The following ZFP82 variants were observed in gnomAD, a reference collection of about 807,000 sequenced individuals.
ZFP82 encodes zinc finger protein 82 homolog.
A neutral mutation model predicts 54.0 loss-of-function variants in ZFP82; 30 were observed. That is an observed-to-expected ratio of 0.56 (90% CI 0.42 to 0.75). The LOEUF is 0.75. Among genes scored for constraint, ZFP82 ranks in the 30% least tolerant of loss-of-function variants. ZFP82 has a pLI of 0.00. For missense variants in ZFP82, 500 were observed against 636.8 expected (o/e 0.79, Z 2.31); for synonymous variants, 194 against 209.5 (o/e 0.93, Z 0.64).
At chr19:36,405,737 C>T (rs1358218458) in intron 3 of ZFP82, 65 bp from the exon 4 acceptor site, 24 of 1,216,738 alleles carry the variant, frequency 2.0e-5, no homozygotes, top group Non-Finnish European at 2.5e-5. Context: ...TACTTTGATT[C>T]AGTCTTGGTT....
rs142462035 is a variant in ZFP82, at chr19:36,400,782, C to T, written c.229+4798G>A. Among the ~76,000 whole-genome samples the T allele has an allele frequency of 4.5e-3, 683 of 152,290 alleles. 3 individuals are homozygous for T. Among genetic ancestry groups the T allele is most frequent in the Admixed American group, 7.1e-3 (109 of 15,294 alleles). On this transcript the variant is annotated intron_variant, in intron 4 of 4. Coordinates refer to ENST00000392161, the MANE Select transcript of ZFP82 (RefSeq NM_133466.4). ...AAATACACTGCTTTTTAACCCATAT[C>T]CCCAGTGTAACTGACAACCCTATTT...
rs780307893 is a variant in ZFP82, at chr19:36,393,660, T to A, written c.680A>T (p.Glu227Val). 14 of 1,613,964 alleles carry A rather than the reference T, an allele frequency of 8.7e-6. No homozygotes were observed. Among genetic ancestry groups the A allele is most frequent in the Non-Finnish European group, 1.2e-5 (14 of 1,180,032 alleles). ...GAAAGCTTCCCCACATTCCTTACAT[T>A]CATAGAGTTTTTCACCAGAATGAAG... ...QRLHSGEKLY[E>V]CKECGEAFIC... is the part of the protein sequence containing the mutation. The change falls in exon 5 of 5, where the codon GAA becomes GTA. Residue 227 changes from glutamate (E) to valine (V), a missense_variant. By Grantham distance (121) the Glu-to-Val change is moderately radical. Coordinates refer to ENST00000392161, the MANE Select transcript of ZFP82 (RefSeq NM_133466.4).
chr19:36,403,507 C>T, intron 4 of ZFP82, among the ~76,000 whole-genome samples: 1 of 150,968 alleles, frequency 6.6e-6, no homozygotes, highest in Non-Finnish European at 1.5e-5. Flanking sequence ...GTAATCCCAG[C>T]TACTCCAGAG....
chr19:36,402,848 G>C (rs2032411316), intron 4 of ZFP82, among the ~76,000 whole-genome samples: 1 of 151,172 alleles, frequency 6.6e-6, no homozygotes, highest in South Asian at 2.1e-4. Context: ...ATAAAAATTA[G>C]CCAGGCATGG....
chr19:36,414,006 A>T (rs1333095598), intron 1 of ZFP82, among the ~76,000 whole-genome samples: 1 of 150,886 alleles, frequency 6.6e-6, no homozygotes, highest in Non-Finnish European at 1.5e-5. Flanking sequence ...GTTCAGGCCA[A>T]TCGTCTGCCT....
intron 3 of ZFP82, among the ~76,000 whole-genome samples, chr19:36,407,202 A>G (rs937422034): frequency 8.9e-5 from 13 of 146,866 alleles, no homozygotes; most frequent in African/African-American, 3.0e-4. Flanking sequence ...TCAGCCTCCC[A>G]AGTAGCTGGG....
intron 1 of ZFP82, among the ~76,000 whole-genome samples, chr19:36,417,072 C>CAAAA (rs140495874): frequency 3.0e-5 from 2 of 65,644 alleles, no homozygotes; most frequent in Non-Finnish European, 5.4e-5. Flanking sequence ...GACCCTGTCT[C>CAAAA]AAAAAAAAAA....
chr19:36,392,974 C>T lies in ZFP82; in HGVS notation c.1366G>A (p.Gly456Ser), dbSNP rs953332965. 6.2e-7 allele frequency: 1 copy of T among 1,613,968 alleles called. No individual in the cohort carries two copies. The highest frequency in any genetic ancestry group is 1.3e-5 in the African/African-American group (1 of 74,894). ...TTTTGGCGCAATCTAAAGGCCTTGC[C>T]ACATTCCTTACATTTATAAGGTTTC... ...GEKPYKCKEC[G>S]KAFRLRQKLT... The change falls in exon 5 of 5, where the codon GGC becomes AGC. Residue 456 changes from glycine to serine, a missense_variant. Physicochemically the swap from Gly to Ser is moderately conservative, Grantham distance 56. Transcript: ENST00000392161.
chr19:36,414,225 G>T (rs2032629791), intron 1 of ZFP82, among the ~76,000 whole-genome samples: 1 of 151,810 alleles, frequency 6.6e-6, no homozygotes, highest in Non-Finnish European at 1.5e-5. Flanking sequence ...TAAAAATTTG[G>T]TATTTGCTGA....
At chr19:36,387,465 T>G (rs2032128654), downstream of ZFP82, among the ~76,000 whole-genome samples, 1 of 152,218 alleles carries the variant, frequency 6.6e-6, no homozygotes, top group Non-Finnish European at 1.5e-5. Flanking sequence ...GGGCTCCCTC[T>G]TGCCCTCTCT....
At chr19:36,404,015 A>T (rs1276651327) in intron 4 of ZFP82, among the ~76,000 whole-genome samples, 3 of 152,184 alleles carry the variant, frequency 2.0e-5, no homozygotes, top group African/African-American at 7.2e-5. Context: ...TTTTCTTCAT[A>T]GCACTCTCAT....
intron 4 of ZFP82, among the ~76,000 whole-genome samples, chr19:36,398,959 A>C (rs2032341720): frequency 6.6e-6 from 1 of 152,172 alleles, no homozygotes; most frequent in Admixed American, 6.5e-5. Context: ...TAATTAAAAA[A>C]TCAGAAAAAA....
Position 36,389,917 on chromosome 19 carries a change from T to A in ZFP82, c.*2824A>T, listed in dbSNP as rs1256081132. ...AAACTCTCATACACCAATTCAATAT[T>A]CCCCTGCCCTAACTAGACAATTACG... On this transcript the variant is annotated 3_prime_UTR_variant, in exon 5 of 5. Coordinates refer to ENST00000392161, the MANE Select transcript of ZFP82 (RefSeq NM_133466.4). Among the ~76,000 whole-genome samples, 1 of 152,016 alleles carries A rather than the reference T, an allele frequency of 6.6e-6. No individual in the cohort carries two copies. Among genetic ancestry groups the A allele is most frequent in the Non-Finnish European group, 1.5e-5 (1 of 68,002 alleles).
intron 2 of ZFP82, among the ~76,000 whole-genome samples, chr19:36,408,585 C>T (rs994867639): frequency 6.6e-6 from 1 of 152,082 alleles, no homozygotes; most frequent in African/African-American, 2.4e-5. Context: ...TTTGAGAGGC[C>T]GAGGTGGGAG....
At chr19:36,410,791 G>A (rs1359294774) in intron 1 of ZFP82, among the ~76,000 whole-genome samples, 1 of 151,636 alleles carries the variant, frequency 6.6e-6, no homozygotes, top group Non-Finnish European at 1.5e-5. Context: ...GTGAGCCACC[G>A]CACCCACCCG....
intron 1 of ZFP82, among the ~76,000 whole-genome samples, chr19:36,411,112 G>A (rs748005743): frequency 1.8e-5 from 2 of 110,460 alleles, no homozygotes; most frequent in Non-Finnish European, 2.2e-5. Flanking sequence ...AGAATCGCTT[G>A]GACCTAGGGG....
At chr19:36,387,699 C>T (rs2032131483), downstream of ZFP82, among the ~76,000 whole-genome samples, 1 of 152,188 alleles carries the variant, frequency 6.6e-6, no homozygotes, top group Admixed American at 6.5e-5. Flanking sequence ...CTCACTGCAA[C>T]CTCCACCTCC....
intron 4 of ZFP82, among the ~76,000 whole-genome samples, chr19:36,400,097 T>C (rs2032359148): frequency 6.6e-6 from 1 of 152,244 alleles, no homozygotes; most frequent in African/African-American, 2.4e-5. Context: ...AACAGACCTA[T>C]TACCAGTCCT....
At chr19:36,417,669 A>G (rs926815862) in intron 1 of ZFP82, among the ~76,000 whole-genome samples, 6 of 152,122 alleles carry the variant, frequency 3.9e-5, no homozygotes, top group African/African-American at 1.4e-4. Context: ...CCAGAGTAAC[A>G]TAAGAGAGAT....
Sources: allele counts gnomAD v4.1 joint callset (sites outside exome capture counted in the v4.1 genomes callset), GRCh38; gene constraint gnomAD v4.1.1; transcripts MANE v1.5; gene names NCBI Gene and HGNC (gene_info 2026-07-23, HGNC 2026-07-21).